Variants in PIEZO2 observed in about 807,000 individuals in gnomAD.
PIEZO2 encodes the protein piezo type mechanosensitive ion channel component 2, also known as piezo-type mechanosensitive ion channel component 2.
PIEZO2 carries 172 observed loss-of-function variants against 337.3 expected under a neutral mutation model. The ratio of observed to expected loss-of-function variants is 0.51; its 90% CI spans 0.45 to 0.58. The LOEUF is 0.58. PIEZO2 is among the 20% of genes least tolerant of loss of function. The pLI is 0.00. For missense variants in PIEZO2, 3,028 were observed against 3,391.3 expected (o/e 0.89, Z 2.66); for synonymous variants, 1,251 against 1,228.5 (o/e 1.02, Z -0.38).
At chr18:11,041,941 G>T (rs1040874524) in intron 2 of PIEZO2, among the ~76,000 whole-genome samples, 9 of 152,134 alleles carry the variant, frequency 5.9e-5, no homozygotes, top group Non-Finnish European at 1.3e-4. Flanking sequence ...TGACTGCCAT[G>T]CCCCAGGTAT....
rs548169986 is a variant in PIEZO2 at position 11,006,593 on chromosome 18, T to G, written c.161-26933A>C. ...TGGTCTATTAGCTTTCCATTTACCC[T>G]CCCGCATCTGCTATGAAACACAGCA... On this transcript the variant is annotated intron_variant, in intron 2 of 55. Transcript: ENST00000674853. Among the ~76,000 whole-genome samples, 4 of 152,196 alleles carry G rather than the reference T, an allele frequency of 2.6e-5. No homozygotes were observed. The East Asian group carries it at 7.8e-4, about 29-fold the overall frequency.
chr18:10,697,017 C>T lies in PIEZO2; in HGVS notation c.6828-478G>A, dbSNP rs186286629. 3.7e-3 allele frequency among the ~76,000 whole-genome samples: 566 copies of T among 152,274 alleles called. 2 individuals carry two copies. Among genetic ancestry groups the T allele is most frequent in the Admixed American group, 4.8e-3 (73 of 15,298 alleles). On this transcript the variant is annotated intron_variant, in intron 45 of 55. Transcript: ENST00000674853. ...TCAGACTTGGAGTGCTTGGTCCATG[C>T]GCGTTTGAATGTGCAACGCCCCTGC...
Position 10,759,496 on chromosome 18 carries a change from G to C in PIEZO2, c.3743C>G (p.Pro1248Arg), listed in dbSNP as rs2038029149. The C allele has an allele frequency of 2.0e-6, 3 of 1,536,796 alleles. No homozygotes were observed. The highest frequency in any genetic ancestry group is 2.6e-6 in the Non-Finnish European group (3 of 1,146,794). The change falls in exon 26 of 56, where the codon CCT becomes CGT. Residue 1248 changes from proline (P) to arginine (R), a missense_variant. Around this residue, in one of 5 missense-constraint regions of PIEZO2, gnomAD observed 1,925 missense variants for 2,051.9 expected, o/e 0.94. Transcript: ENST00000674853. This position sits in a 1 kb window ranked among gnomAD's most constrained non-coding sequence, Gnocchi z 5.5. ...GAAACACTTACAGACGAGAAACACA[G>C]GGTTGGGCCGCACAATGAAATCTGG... is the stretch of plus-strand genomic sequence containing the variant. ...YFPDFIVRPNPVFLVYDFMLL... is the reference protein window; with the variant it reads ...YFPDFIVRPNRVFLVYDFMLL...
intron 7 of PIEZO2, among the ~76,000 whole-genome samples, chr18:10,841,405 T>A (rs557611643): frequency 6.6e-6 from 1 of 151,954 alleles, no homozygotes; most frequent in Non-Finnish European, 1.5e-5. Flanking sequence ...TGAGCCACAG[T>A]GGGGGAGGCC....
intron 2 of PIEZO2, among the ~76,000 whole-genome samples, chr18:10,995,773 G>A (rs1261802728): frequency 6.6e-6 from 1 of 152,168 alleles, no homozygotes; most frequent in Non-Finnish European, 1.5e-5. Context: ...CTCCAGGGCT[G>A]TGGAGTTGCT....
intron 1 of PIEZO2, among the ~76,000 whole-genome samples, chr18:11,068,326 T>C (rs1331256910): frequency 6.6e-6 from 1 of 152,180 alleles, no homozygotes; most frequent in African/African-American, 2.4e-5. Flanking sequence ...TCATATCAAG[T>C]GTCTTTTCCA....
intron 7 of PIEZO2, among the ~76,000 whole-genome samples, chr18:10,838,570 A>G (rs1243927188): frequency 6.6e-6 from 1 of 152,258 alleles, no homozygotes; most frequent in African/African-American, 2.4e-5. Context: ...ACAATTTTGC[A>G]TCAGGTGCAG....
intron 2 of PIEZO2, among the ~76,000 whole-genome samples, chr18:11,055,372 A>G (rs1219091199): frequency 3.3e-5 from 5 of 152,230 alleles, no homozygotes; most frequent in Non-Finnish European, 7.3e-5. Context: ...ATAATTTTGG[A>G]AAGGTATAAA....
intron 48 of PIEZO2, 148 bp from the exon 49 acceptor site, chr18:10,689,950 G>T: frequency 1.3e-6 from 1 of 781,578 alleles, no homozygotes; most frequent in South Asian, 2.2e-5. Flanking sequence ...AACCCAACTT[G>T]GAACACAACT....
At chr18:11,059,719 T>TA (rs1367300501) in intron 2 of PIEZO2, among the ~76,000 whole-genome samples, 1 of 152,200 alleles carries the variant, frequency 6.6e-6, no homozygotes, top group African/African-American at 2.4e-5. Context: ...ACCCTAAATA[T>TA]ATATGCACCC....
chr18:11,023,178 G>A (rs935849032), intron 2 of PIEZO2, among the ~76,000 whole-genome samples: 1 of 152,098 alleles, frequency 6.6e-6, no homozygotes, highest in East Asian at 1.9e-4. Context: ...AAGGGGACCC[G>A]ACCCAGTTGC....
intron 3 of PIEZO2, among the ~76,000 whole-genome samples, chr18:10,928,375 C>T (rs1359074615): frequency 6.6e-6 from 1 of 152,160 alleles, no homozygotes; most frequent in Non-Finnish European, 1.5e-5. Flanking sequence ...ATACTCACTG[C>T]TCTCATTTGC....
At chr18:11,103,553 A>G (rs1413974323) in intron 1 of PIEZO2, among the ~76,000 whole-genome samples, 1 of 152,208 alleles carries the variant, frequency 6.6e-6, no homozygotes, top group East Asian at 1.9e-4. Context: ...CTGGAAAATG[A>G]AAGGCTTAAG....
intron 1 of PIEZO2, among the ~76,000 whole-genome samples, chr18:11,145,251 C>T (rs1453854929): frequency 6.6e-6 from 1 of 152,028 alleles, no homozygotes; most frequent in Non-Finnish European, 1.5e-5. Context: ...ATAACATATT[C>T]TATTATGGTT....
chr18:10,963,548 C>T (rs2033875597), intron 3 of PIEZO2, among the ~76,000 whole-genome samples: 1 of 152,152 alleles, frequency 6.6e-6, no homozygotes, highest in African/African-American at 2.4e-5. Flanking sequence ...AAACTTAATT[C>T]ACTTTCTGCA....
intron 7 of PIEZO2, among the ~76,000 whole-genome samples, chr18:10,810,601 T>C (rs894690607): frequency 1.3e-5 from 2 of 152,180 alleles, no homozygotes; most frequent in Admixed American, 1.3e-4. Context: ...CCCCTTTTCT[T>C]TCTCCCAGAC....
chr18:11,099,509 C>T lies in PIEZO2; in HGVS notation c.65-33287G>A, dbSNP rs908002129. Among the ~76,000 whole-genome samples the T allele has an allele frequency of 2.6e-5, 4 of 152,146 alleles. No individual in the cohort carries two copies. Among genetic ancestry groups the T allele is most frequent in the African/African-American group, 4.8e-5 (2 of 41,432 alleles). ...TGAGACAGAGTCTCACTTTGTCGCC[C>T]AGGTTGGTATGCAATGGCATGATCT... On this transcript the variant is annotated intron_variant, in intron 1 of 55. Coordinates refer to ENST00000674853, the MANE Select transcript of PIEZO2 (RefSeq NM_001378183.1). This position sits in a 1 kb window ranked among gnomAD's most constrained non-coding sequence, Gnocchi z 5.4.
rs8097579 is a variant in PIEZO2 at position 10,750,678 on chromosome 18, G to A, written c.4168-491C>T. On this transcript the variant is annotated intron_variant, in intron 28 of 55. Transcript: ENST00000674853. This position sits in a 1 kb window ranked among gnomAD's most constrained non-coding sequence, Gnocchi z 4.1. ...TTTGACCAATTCTCTCGGTAAAGGAGTATTTTTTGTAGATTGGCAGGTGGT... is the reference window on the plus strand; with the variant it reads ...TTTGACCAATTCTCTCGGTAAAGGAATATTTTTTGTAGATTGGCAGGTGGT... Among the ~76,000 whole-genome samples the A allele has an allele frequency of 0.63, 95,809 of 152,130 alleles. 32,199 individuals carry two copies. The highest frequency in any genetic ancestry group is 0.88 in the African/African-American group (36,459 of 41,524).
intron 8 of PIEZO2, among the ~76,000 whole-genome samples, chr18:10,806,195 C>T (rs1480959401): frequency 6.6e-6 from 1 of 152,094 alleles, no homozygotes; most frequent in South Asian, 2.1e-4. Flanking sequence ...AGGAGGGGGA[C>T]TGGAATGCAG....
Sources: allele counts gnomAD v4.1 joint callset (sites outside exome capture counted in the v4.1 genomes callset), GRCh38; gene constraint gnomAD v4.1.1; regional missense constraint gnomAD v4.1.1; non-coding constraint Gnocchi (gnomAD v3.1); transcripts MANE v1.5; gene names NCBI Gene and HGNC (gene_info 2026-07-23, HGNC 2026-07-21).